AGAP1: variants seen among roughly 807,000 people sequenced by gnomAD.
AGAP1 encodes the protein arf-GAP with GTPase, ANK repeat and PH domain-containing protein 1.
A neutral mutation model predicts 105.3 loss-of-function variants in AGAP1; 29 were observed. The ratio of observed to expected loss-of-function variants is 0.28; its 90% CI spans 0.21 to 0.38. The LOEUF (loss-of-function observed/expected upper bound fraction) is 0.38. Among genes scored for constraint, AGAP1 ranks in the 10% least tolerant of loss-of-function variants. The probability of loss-of-function intolerance (pLI) is 1.00; values close to 1 mark genes in which losing one functional copy is unlikely to be tolerated. For missense variants in AGAP1, 998 were observed against 1,165.1 expected, an observed-to-expected ratio of 0.86 and a Z score of 2.09; for synonymous variants, 509 against 485.9, an observed-to-expected ratio of 1.05 and a Z score of -0.63.
At chr2:235,832,615 GA>G (rs1028400479) in intron 9 of AGAP1, among the ~76,000 whole-genome samples, 6 of 152,300 alleles carry the variant, frequency 3.9e-5, no homozygotes, top group African/African-American at 1.4e-4. Flanking sequence ...AAGCATCCAG[GA>G]ATCTGTGAAG....
chr2:236,123,427 TAC>T lies in AGAP1; in HGVS notation c.2371-490_2371-489del, dbSNP rs1352190527. ...AAATGAAAAAAATACAAATTATTTG[TAC>T]AGTCTTATCTCAATTATGTACATAT... On this transcript the variant is annotated intron_variant, in intron 17 of 17. Transcript: ENST00000304032. The surrounding 1 kb of genome is among the most constrained non-coding windows in gnomAD (Gnocchi z 4.6). Among the ~76,000 whole-genome samples the T allele has an allele frequency of 6.6e-6, 1 of 152,210 alleles. No individual in the cohort carries two copies. The highest frequency in any genetic ancestry group is 1.9e-4 in the East Asian group (1 of 5,202).
chr2:235,712,347 G>C lies in AGAP1; in HGVS notation c.222+3110G>C, dbSNP rs1389638422. Among the ~76,000 whole-genome samples the C allele has an allele frequency of 6.6e-6, 1 of 152,244 alleles. No homozygotes were observed. The highest frequency in any genetic ancestry group is 1.5e-5 in the Non-Finnish European group (1 of 68,040). On this transcript the variant is annotated intron_variant, in intron 2 of 17. Coordinates refer to ENST00000304032, the MANE Select transcript of AGAP1 (RefSeq NM_001037131.3). This position sits in a 1 kb window ranked among gnomAD's most constrained non-coding sequence, Gnocchi z 6.0. ...GTTTTCTGAAGTTGTGCTGTGGTCA[G>C]ATCGTCCATGACCAGTTGCTTTTGG...
rs2052659902 is a variant in AGAP1 at position 235,930,336 on chromosome 2, C to G, written c.1325-429C>G. Among the ~76,000 whole-genome samples the G allele has an allele frequency of 6.6e-6, 1 of 152,230 alleles. No individual in the cohort carries two copies. Among genetic ancestry groups the G allele is most frequent in the African/African-American group, 2.4e-5 (1 of 41,456 alleles). On this transcript the variant is annotated intron_variant, in intron 11 of 17. Transcript: ENST00000304032. The surrounding 1 kb of genome is among the most constrained non-coding windows in gnomAD (Gnocchi z 7.9). ...TAATCCTCTGGCACCAGACAGTTGA[C>G]TCTCAATGGGTGATCATTTTCTGTT...
At chr2:235,809,639 A>G (rs1207707665) in intron 9 of AGAP1, among the ~76,000 whole-genome samples, 5 of 152,318 alleles carry the variant, frequency 3.3e-5, no homozygotes, top group Middle Eastern at 3.4e-3. Context: ...CTCTCTGTGC[A>G]TCGGACGGAT....
At position 235,877,319 on chromosome 2, in the gene AGAP1, T is replaced by A. The variant is rs1210887305; in HGVS notation, c.1051-6026T>A. On this transcript the variant is annotated intron_variant, in intron 9 of 17. Transcript: ENST00000304032. This position sits in a 1 kb window ranked among gnomAD's most constrained non-coding sequence, Gnocchi z 4.3. ...TAAACATTTAAATTAATACCATTAA[T>A]TTACTGTGCATTTAATGTTAAGGAT... 6.6e-6 allele frequency among the ~76,000 whole-genome samples: 1 copy of A among 152,152 alleles called. No individual in the cohort carries two copies. The highest frequency in any genetic ancestry group is 2.4e-5 in the African/African-American group (1 of 41,426).
At chr2:236,018,281 AG>A (rs1214917286) in intron 13 of AGAP1, among the ~76,000 whole-genome samples, 1 of 152,210 alleles carries the variant, frequency 6.6e-6, no homozygotes, top group Non-Finnish European at 1.5e-5. Flanking sequence ...TCCCAACCCA[AG>A]GGAGAATAAG....
chr2:235,913,726 TCTC>T (rs1559640412), intron 11 of AGAP1, among the ~76,000 whole-genome samples: 3 of 152,270 alleles, frequency 2.0e-5, no homozygotes, highest in Admixed American at 1.3e-4. Context: ...CTTGAAACCT[TCTC>T]CTCCTTGATA....
chr2:235,497,627 C>A (rs535528860), intron 1 of AGAP1, among the ~76,000 whole-genome samples: 1 of 152,228 alleles, frequency 6.6e-6, no homozygotes, highest in Non-Finnish European at 1.5e-5. Context: ...GACGGAGTCT[C>A]GCTCTGTCGC....
chr2:235,952,404 CTT>C (rs2053776149), intron 12 of AGAP1, among the ~76,000 whole-genome samples: 1 of 152,020 alleles, frequency 6.6e-6, no homozygotes, highest in Non-Finnish European at 1.5e-5. Context: ...AATATGCAGA[CTT>C]TTTTCCTGTA....
intron 1 of AGAP1, among the ~76,000 whole-genome samples, chr2:235,687,361 T>C (rs1949504267): frequency 6.6e-6 from 1 of 152,170 alleles, no homozygotes; most frequent in African/African-American, 2.4e-5. Flanking sequence ...TCAGTTTTAG[T>C]GTTCCTAGGT....
chr2:236,057,343 A>G (rs1057028895), intron 16 of AGAP1, among the ~76,000 whole-genome samples: 1 of 152,202 alleles, frequency 6.6e-6, no homozygotes, highest in African/African-American at 2.4e-5. Context: ...TCCTGACCTC[A>G]GGTGATTTGC....
rs1225262933 is a variant in AGAP1 at position 235,989,450 on chromosome 2, G to A, written c.1645+20827G>A. On this transcript the variant is annotated intron_variant, in intron 13 of 17. Coordinates refer to ENST00000304032, the MANE Select transcript of AGAP1 (RefSeq NM_001037131.3). The surrounding 1 kb of genome is among the most constrained non-coding windows in gnomAD (Gnocchi z 4.4). ...CGCAGCTCGATGGTGATGAGTGTAG[G>A]GGAGAGGTGGGTGCTGGGACAGGAT... 6.6e-6 allele frequency among the ~76,000 whole-genome samples: 1 copy of A among 152,036 alleles called. No homozygotes were observed. Among genetic ancestry groups the A allele is most frequent in the Non-Finnish European group, 1.5e-5 (1 of 68,002 alleles).
rs935413860 is a variant in AGAP1, at chr2:236,044,865, G to C, written c.1891+4024G>C. Among the ~76,000 whole-genome samples, 4 of 151,490 alleles carry C rather than the reference G, an allele frequency of 2.6e-5. No homozygotes were observed. Among genetic ancestry groups the C allele is most frequent in the African/African-American group, 9.7e-5 (4 of 41,278 alleles). ...CTAGAATTTTCTTAGCTCTTTTCTGGTTTGGGCGGGGGCAGGGGCGGGTTG... is the reference window on the plus strand; with the variant it reads ...CTAGAATTTTCTTAGCTCTTTTCTGCTTTGGGCGGGGGCAGGGGCGGGTTG... On this transcript the variant is annotated intron_variant, in intron 15 of 17. Transcript: ENST00000304032. This position sits in a 1 kb window ranked among gnomAD's most constrained non-coding sequence, Gnocchi z 5.7.
chr2:235,811,246 C>T (rs1958123511), intron 9 of AGAP1, among the ~76,000 whole-genome samples: 1 of 152,234 alleles, frequency 6.6e-6, no homozygotes, highest in African/African-American at 2.4e-5. Context: ...GAGCCCCGGC[C>T]AGAGAACCTG....
chr2:236,091,200 G>A (rs543004681), intron 16 of AGAP1, among the ~76,000 whole-genome samples: 1 of 152,228 alleles, frequency 6.6e-6, no homozygotes, highest in Admixed American at 6.5e-5. Context: ...ATCTATGCCT[G>A]TCTCTCTGTG....
At position 235,994,652 on chromosome 2, in the gene AGAP1, G is replaced by A. The variant is rs1029429522; in HGVS notation, c.1645+26029G>A. Among the ~76,000 whole-genome samples, 3 of 152,090 alleles carry A rather than the reference G, an allele frequency of 2.0e-5. No individual in the cohort carries two copies. Among genetic ancestry groups the A allele is most frequent in the Non-Finnish European group, 4.4e-5 (3 of 68,018 alleles). Reference sequence around the variant, plus strand: ...CCTCGCAGCCCGATGATACAGAGACGGGGCAGCAGTGGAGAGCTCGGCTCA... The same window carrying A: ...CCTCGCAGCCCGATGATACAGAGACAGGGCAGCAGTGGAGAGCTCGGCTCA... On this transcript the variant is annotated intron_variant, in intron 13 of 17. Coordinates refer to ENST00000304032, the MANE Select transcript of AGAP1 (RefSeq NM_001037131.3). The surrounding 1 kb of genome is among the most constrained non-coding windows in gnomAD (Gnocchi z 4.4).
chr2:235,711,490 T>C (rs959250074), intron 2 of AGAP1, among the ~76,000 whole-genome samples: 2 of 152,248 alleles, frequency 1.3e-5, no homozygotes, highest in East Asian at 1.9e-4. Context: ...TGAGGCAGCA[T>C]GGGCTCCTCA....
chr2:235,677,196 CTTTG>C (rs1013699963), intron 1 of AGAP1, among the ~76,000 whole-genome samples: 1 of 152,142 alleles, frequency 6.6e-6, no homozygotes, highest in African/African-American at 2.4e-5. Context: ...GCTATTGGCC[CTTTG>C]TTTTCTTACC....
At position 236,123,662 on chromosome 2, in the gene AGAP1, T is replaced by C. The variant is rs2059953029; in HGVS notation, c.2371-257T>C. On this transcript the variant is annotated intron_variant, in intron 17 of 17. Coordinates refer to ENST00000304032, the MANE Select transcript of AGAP1 (RefSeq NM_001037131.3). This position sits in a 1 kb window ranked among gnomAD's most constrained non-coding sequence, Gnocchi z 4.6. ...AATAGAAACAGCAAAACTAAAGTTATCTTTGATTCCTTAATGTTGCACAAA... is the reference window on the plus strand; with the variant it reads ...AATAGAAACAGCAAAACTAAAGTTACCTTTGATTCCTTAATGTTGCACAAA... Among the ~76,000 whole-genome samples the C allele has an allele frequency of 1.3e-5, 2 of 152,238 alleles. No homozygotes were observed. The highest frequency in any genetic ancestry group is 1.3e-4 in the Admixed American group (2 of 15,296).
Sources: allele counts gnomAD v4.1 joint callset (sites outside exome capture counted in the v4.1 genomes callset), GRCh38; gene constraint gnomAD v4.1.1; non-coding constraint Gnocchi (gnomAD v3.1); transcripts MANE v1.5; gene names NCBI Gene and HGNC (gene_info 2026-07-23, HGNC 2026-07-21).